The following CACHD1 variants were observed in gnomAD, a reference collection of about 807,000 sequenced individuals.
The protein encoded by CACHD1 is VWFA and cache domain-containing protein 1.
CACHD1 carries 71 observed loss-of-function variants against 138.7 expected under a neutral mutation model. The ratio of observed to expected loss-of-function variants is 0.51; its 90% CI spans 0.42 to 0.62. The LOEUF is 0.62. Among genes scored for constraint, CACHD1 ranks in the 20% least tolerant of loss-of-function variants. CACHD1 has a pLI of 0.00. For missense variants in CACHD1, 1,389 were observed against 1,625.3 expected (o/e 0.85, Z 2.50); for synonymous variants, 578 against 591.5 (o/e 0.98, Z 0.33).
intron 7 of CACHD1, among the ~76,000 whole-genome samples, chr1:64,638,058 T>C (rs1436752): frequency 0.16 from 24,231 of 152,192 alleles, 2,252 homozygotes; most frequent in East Asian, 0.32. Context: ...GTGATTATTA[T>C]GATATTCAGT....
rs1416999345 is a variant in CACHD1 at position 64,564,411 on chromosome 1, G to T, written c.261+13755G>T. On this transcript the variant is annotated intron_variant, in intron 2 of 26. Coordinates refer to ENST00000651257, the MANE Select transcript of CACHD1 (RefSeq NM_020925.4). ...CCCTTCCCCAGAAGCCCCAAGCCCT[G>T]ATGCCTTTCTGTAACTTGGGATGCT... Among the ~76,000 whole-genome samples, 2 of 152,010 alleles carry T rather than the reference G, an allele frequency of 1.3e-5. 1 individual carries two copies. The highest frequency in any genetic ancestry group is 4.2e-4 in the South Asian group (2 of 4,816).
intron 3 of CACHD1, 147 bp from the exon 4 acceptor site, chr1:64,602,659 C>T (rs1647231829): frequency 1.3e-5 from 8 of 622,552 alleles, no homozygotes; most frequent in South Asian, 3.6e-5. Flanking sequence ...CACAGAGTTC[C>T]GAAATTATTT....
In CACHD1 at chr1:64,681,557, T is replaced by TTTTTTTG. The variant is rs1340713816; in HGVS notation, c.3484+228_3484+229insGTTTTTT. ...TTTTATTGTGTTTTTTTTTTTTTTT[T>TTTTTTTG]TTTTTTTGCATTAAGTGTGTTGGCC... On this transcript the variant is annotated intron_variant, in intron 25 of 26. Coordinates refer to ENST00000651257, the MANE Select transcript of CACHD1 (RefSeq NM_020925.4). 8.8e-4 allele frequency among the ~76,000 whole-genome samples: 122 copies of TTTTTTTG among 138,356 alleles called. 2 individuals are homozygous for TTTTTTTG. The highest frequency in any genetic ancestry group is 3.1e-3 in the African/African-American group (119 of 38,088). The allele number at this position is 138,356 out of a possible 152,430, so 90.8% of individuals were successfully genotyped here. A position where few individuals can be genotyped will look rare whatever the true frequency, so the allele number is the denominator to read the frequency against.
intron 4 of CACHD1, among the ~76,000 whole-genome samples, chr1:64,615,619 G>A (rs1647682445): frequency 6.6e-6 from 1 of 152,170 alleles, no homozygotes; most frequent in African/African-American, 2.4e-5. Flanking sequence ...TAGGATTTTT[G>A]TTGTGCTTTT....
intron 21 of CACHD1, 101 bp from the exon 22 acceptor site, chr1:64,676,794 G>A (rs890192029): frequency 3.5e-6 from 3 of 862,726 alleles, no homozygotes; most frequent in African/African-American, 3.4e-5. Flanking sequence ...GCAAAGCCAG[G>A]ATTCAAACCC....
chr1:64,634,038 C>A lies in CACHD1; in HGVS notation c.790-6C>A, dbSNP rs781264766. ...TGGTGGTTTTTTTTTTTTTTCTTTC[C>A]TGCAGATTTCTGTGTTAACTGTGGC... On this transcript the variant is annotated splice_polypyrimidine_tract_variant and splice_region_variant and intron_variant, in intron 6 of 26. Transcript: ENST00000651257. The A allele has an allele frequency of 6.5e-7, 1 of 1,535,418 alleles. No homozygotes were observed. The highest frequency in any genetic ancestry group is 2.3e-5 in the East Asian group (1 of 42,842).
chr1:64,550,829 G>A (rs1401662112), intron 2 of CACHD1, among the ~76,000 whole-genome samples, 173 bp downstream of exon 2: 7 of 152,074 alleles, frequency 4.6e-5, no homozygotes, highest in Admixed American at 2.6e-4. Context: ...TCTTAGAGGC[G>A]GTTAAAAACT....
At chr1:64,688,911 G>A (rs1650451965) in intron 26 of CACHD1, among the ~76,000 whole-genome samples, 2 of 152,070 alleles carry the variant, frequency 1.3e-5, no homozygotes, top group Non-Finnish European at 2.9e-5. Context: ...CTCCCATCAG[G>A]TCTACCCAAT....
chr1:64,631,233 A>G lies in CACHD1; in HGVS notation c.645-1366A>G, dbSNP rs184906423. On this transcript the variant is annotated intron_variant, in intron 5 of 26. Transcript: ENST00000651257. ...TAACAAAGGAAGTGTGTCATTTTAA[A>G]GAAAATCCACCCATCTAGCTTGGAG... Among the ~76,000 whole-genome samples, 240 of 152,370 alleles carry G rather than the reference A, an allele frequency of 1.6e-3. 1 individual carries two copies. Among genetic ancestry groups the G allele is most frequent in the Admixed American group, 0.014 (208 of 15,312 alleles).
chr1:64,496,770 A>G (rs1198363146), intron 1 of CACHD1, among the ~76,000 whole-genome samples: 6 of 152,020 alleles, frequency 3.9e-5, no homozygotes, highest in Admixed American at 1.3e-4. Context: ...TTATGGGTCA[A>G]TGAAGTCACA....
intron 3 of CACHD1, among the ~76,000 whole-genome samples, chr1:64,587,966 C>G (rs1647064111): frequency 6.6e-6 from 1 of 151,636 alleles, no homozygotes; most frequent in African/African-American, 2.4e-5. Flanking sequence ...AAATATCTCT[C>G]CTCTCTTGAA....
chr1:64,541,379 A>T (rs1285209893), intron 1 of CACHD1, among the ~76,000 whole-genome samples: 2 of 33,408 alleles, frequency 6.0e-5, no homozygotes, highest in Non-Finnish European at 1.0e-4. Flanking sequence ...GAGTAGTCAG[A>T]TACAGATTTT....
chr1:64,614,522 G>A (rs573849324), intron 4 of CACHD1, among the ~76,000 whole-genome samples: 1 of 152,142 alleles, frequency 6.6e-6, no homozygotes, highest in East Asian at 1.9e-4. Context: ...CTGGCTGGAC[G>A]TTTGCCTATA....
chr1:64,612,459 CGTT>C (rs1647570179), intron 4 of CACHD1, among the ~76,000 whole-genome samples: 1 of 151,968 alleles, frequency 6.6e-6, no homozygotes, highest in African/African-American at 2.4e-5. Context: ...TACTTATCGT[CGTT>C]GTTGCTAAAT....
At chr1:64,513,097 A>G (rs1646434328) in intron 1 of CACHD1, among the ~76,000 whole-genome samples, 1 of 152,216 alleles carries the variant, frequency 6.6e-6, no homozygotes, top group African/African-American at 2.4e-5. Context: ...TTTCTAGCCC[A>G]AGATTATCCA....
intron 6 of CACHD1, among the ~76,000 whole-genome samples, chr1:64,633,706 C>A (rs1648394884): frequency 6.6e-6 from 1 of 152,206 alleles, no homozygotes; most frequent in African/African-American, 2.4e-5. Context: ...CTTACCCTCA[C>A]CCCTCACCTC....
At chr1:64,610,230 T>G (rs1210466330) in intron 4 of CACHD1, among the ~76,000 whole-genome samples, 2 of 152,150 alleles carry the variant, frequency 1.3e-5, no homozygotes, top group East Asian at 3.9e-4. Context: ...AGCCAAACCA[T>G]ATCATTCTGC....
intron 4 of CACHD1, among the ~76,000 whole-genome samples, chr1:64,623,706 C>G (rs1647996944): frequency 6.6e-6 from 1 of 152,136 alleles, no homozygotes; most frequent in Non-Finnish European, 1.5e-5. Context: ...TAAGAGGGTG[C>G]AGTAACTTCT....
At chr1:64,634,286 A>G in intron 7 of CACHD1, 26 bp downstream of exon 7, 1 of 1,553,454 alleles carries the variant, frequency 6.4e-7, no homozygotes, top group Middle Eastern at 1.7e-4. Context: ...CAGAGGACTT[A>G]GAGGCATAGT....
Sources: gnomAD v4.1 joint callset for allele counts (sites outside exome capture counted in the v4.1 genomes callset) on GRCh38, gnomAD v4.1.1 for gene constraint, MANE v1.5 for transcripts, NCBI Gene and HGNC (gene_info 2026-07-23, HGNC 2026-07-21) for gene names.